The following VAPA variants were observed in gnomAD, a reference collection of about 807,000 sequenced individuals.
VAPA encodes the protein VAMP associated protein A.
VAPA carries 6 observed loss-of-function variants against 25.6 expected under a neutral mutation model. The ratio of observed to expected loss-of-function variants is 0.23; its 90% confidence interval spans 0.13 to 0.46. The LOEUF (loss-of-function observed/expected upper bound fraction) is 0.46. Among genes scored for constraint, VAPA ranks in the 20% least tolerant of loss-of-function variants. VAPA has a pLI of 0.99. For missense variants in VAPA, 244 were observed against 302.1 expected, an observed-to-expected ratio of 0.81 and a Z score of 1.43; for synonymous variants, 112 against 106.2, an observed-to-expected ratio of 1.05 and a Z score of -0.34.
chr18:9,938,630 A>G (rs1408132074), intron 4 of VAPA, among the ~76,000 whole-genome samples: 1 of 152,184 alleles, frequency 6.6e-6, no homozygotes, highest in Admixed American at 6.5e-5. Context: ...ATTACTAGTA[A>G]CCTAAAAGCT....
At chr18:9,953,176 CCTT>C (rs1181237068) in intron 5 of VAPA, among the ~76,000 whole-genome samples, 2 of 152,204 alleles carry the variant, frequency 1.3e-5, no homozygotes, top group African/African-American at 4.8e-5. Context: ...TTCTGAGAAA[CCTT>C]CTGCTCTAAA....
intron 4 of VAPA, chr18:9,948,510 A>G (rs534924326): frequency 7.9e-5 from 12 of 152,288 alleles, no homozygotes; most frequent in Admixed American, 2.0e-4. Context: ...AAAAATAATC[A>G]GTTGTCGAGC....
intron 5 of VAPA, 156 bp downstream of exon 5, chr18:9,950,724 A>C: frequency 1.5e-6 from 1 of 674,872 alleles, no homozygotes; most frequent in Non-Finnish European, 2.4e-6. Flanking sequence ...CTCCTCTTTT[A>C]ACAGTCTTCC....
chr18:9,917,833 C>G lies in VAPA; in HGVS notation c.79+3498C>G, dbSNP rs115884628. Among the ~76,000 whole-genome samples, 466 of 152,198 alleles carry G rather than the reference C, an allele frequency of 3.1e-3. 2 individuals carry two copies. The highest frequency in any genetic ancestry group is 0.011 in the African/African-American group (437 of 41,522). ...GGGGGGGAAATTAGAGAATACTCCTCTGGATGGATATTTAGCACATTTTTA... is the reference window on the plus strand; with the variant it reads ...GGGGGGGAAATTAGAGAATACTCCTGTGGATGGATATTTAGCACATTTTTA... On this transcript the variant is annotated intron_variant, in intron 1 of 5. Transcript: ENST00000400000.
At chr18:9,950,234 G>T (rs909524220) in intron 4 of VAPA, 161 bp from the exon 5 acceptor site, 11 of 643,552 alleles carry the variant, frequency 1.7e-5, no homozygotes, top group Non-Finnish European at 2.9e-5. Flanking sequence ...AATAGAGGGA[G>T]TGGGCTGGTT....
intron 1 of VAPA, among the ~76,000 whole-genome samples, chr18:9,916,994 A>C (rs770379123): frequency 6.6e-6 from 1 of 152,192 alleles, no homozygotes; most frequent in Non-Finnish European, 1.5e-5. Flanking sequence ...GACACCAACT[A>C]TTTCAGTACA....
At chr18:9,943,096 ATAAG>A (rs1171208085) in intron 4 of VAPA, among the ~76,000 whole-genome samples, 1 of 152,234 alleles carries the variant, frequency 6.6e-6, no homozygotes, top group East Asian at 1.9e-4. Flanking sequence ...TACTGGATAT[ATAAG>A]TAAGGAAATG....
rs755772014 is a variant in VAPA at position 9,914,377 on chromosome 18, G to C, written c.79+42G>C. ...CACCCCCGGGTGGGGTGGGGCGCGCGGACCGCTGGCTGTCGGCGGGGGGGC... is the reference window on the plus strand; with the variant it reads ...CACCCCCGGGTGGGGTGGGGCGCGCCGACCGCTGGCTGTCGGCGGGGGGGC... On this transcript the variant is annotated intron_variant, in intron 1 of 5. Transcript: ENST00000400000. 3.3e-6 allele frequency: 5 copies of C among 1,527,800 alleles called. No homozygotes were observed. The Admixed American group carries it at 1.0e-4, about 31-fold the overall frequency. The allele number at this position is 1,527,800 out of a possible 1,614,324, so 94.6% of individuals were successfully genotyped here.
chr18:9,930,698 T>A (rs1447792116), intron 1 of VAPA, among the ~76,000 whole-genome samples: 4 of 151,638 alleles, frequency 2.6e-5, no homozygotes. Context: ...TGCTTTTTTT[T>A]TAAAAAAAAA....
chr18:9,931,723 T>C, intron 1 of VAPA, 87 bp from the exon 2 acceptor site: 1 of 1,156,310 alleles, frequency 8.6e-7, no homozygotes, highest in Non-Finnish European at 1.2e-6. Context: ...TTAATTAAAA[T>C]TGAGGTTATA....
chr18:9,922,580 C>G (rs1182199624), intron 1 of VAPA, among the ~76,000 whole-genome samples: 1 of 152,000 alleles, frequency 6.6e-6, no homozygotes, highest in African/African-American at 2.4e-5. Context: ...TGGTGACTGA[C>G]CAGTCAAAAT....
At chr18:9,918,039 T>C (rs1415116204) in intron 1 of VAPA, among the ~76,000 whole-genome samples, 1 of 152,126 alleles carries the variant, frequency 6.6e-6, no homozygotes, top group Non-Finnish European at 1.5e-5. Context: ...ATCTCTTCCA[T>C]GATGTGCCTT....
chr18:9,922,279 AT>A (rs995545945), intron 1 of VAPA, among the ~76,000 whole-genome samples: 3 of 152,126 alleles, frequency 2.0e-5, no homozygotes, highest in African/African-American at 7.2e-5. Context: ...CTGCCTCAGT[AT>A]TTTTAAAACA....
At chr18:9,933,086 A>G (rs2069273134) in intron 2 of VAPA, among the ~76,000 whole-genome samples, 1 of 152,000 alleles carries the variant, frequency 6.6e-6, no homozygotes, top group African/African-American at 2.4e-5. Flanking sequence ...CCGTCTCAAA[A>G]CAAACAAACA....
At chr18:9,953,430 C>CT (rs1222634735) in intron 5 of VAPA, among the ~76,000 whole-genome samples, 3 of 152,234 alleles carry the variant, frequency 2.0e-5, no homozygotes, top group African/African-American at 7.2e-5. Flanking sequence ...CTCTGCTTTG[C>CT]TTTGAGCATA....
Position 9,927,619 on chromosome 18 carries a change from G to C in VAPA, c.80-4191G>C, listed in dbSNP as rs537653989. Among the ~76,000 whole-genome samples the C allele has an allele frequency of 1.1e-4, 17 of 152,122 alleles. No individual in the cohort carries two copies. In the East Asian group the frequency reaches 3.3e-3, roughly 29 times the overall value. On this transcript the variant is annotated intron_variant, in intron 1 of 5. Coordinates refer to ENST00000400000, the MANE Select transcript of VAPA (RefSeq NM_194434.3). Reference sequence around the variant, plus strand: ...TACACATATGGACTGACTAAAAAGGGTATTTCCTGCTGGAAAAATGTTTTT... The same window carrying C: ...TACACATATGGACTGACTAAAAAGGCTATTTCCTGCTGGAAAAATGTTTTT...
Position 9,955,475 on chromosome 18 carries a change from T to G in VAPA, c.*1264T>G, listed in dbSNP as rs972852327. ...ATTTATTCATACTAGGATAGAAAAT[T>G]TTGGAATCAGAAAATAGATCCAGTG... On this transcript the variant is annotated 3_prime_UTR_variant, in exon 6 of 6. Transcript: ENST00000400000. 10 of 152,204 alleles carry G rather than the reference T, an allele frequency of 6.6e-5. No homozygotes were observed. The highest frequency in any genetic ancestry group is 5.9e-4 in the Admixed American group (9 of 15,282). 9.4% of individuals were successfully genotyped at this position (152,204 alleles called of 1,614,324 possible). A position where few individuals can be genotyped will look rare whatever the true frequency, so the allele number is the denominator to read the frequency against.
chr18:9,948,323 C>T (rs1401502488), intron 4 of VAPA: 1 of 152,020 alleles, frequency 6.6e-6, no homozygotes, highest in African/African-American at 2.4e-5. Flanking sequence ...AGCTGCCCAT[C>T]AAATGCTTAA....
At chr18:9,937,116 C>G in intron 4 of VAPA, 50 bp downstream of exon 4, 1 of 1,486,088 alleles carries the variant, frequency 6.7e-7, no homozygotes, top group Non-Finnish European at 9.3e-7. Flanking sequence ...CTCTCAGTTC[C>G]TTTGATTAAT....
Sources: allele counts gnomAD v4.1 joint callset (sites outside exome capture counted in the v4.1 genomes callset), GRCh38; gene constraint gnomAD v4.1.1; transcripts MANE v1.5; gene names NCBI Gene and HGNC (gene_info 2026-07-23, HGNC 2026-07-21).